The following SYNCRIP variants were observed in gnomAD, a reference collection of about 807,000 sequenced individuals.
SYNCRIP encodes the protein synaptotagmin binding cytoplasmic RNA interacting protein.
A neutral mutation model predicts 68.9 loss-of-function variants in SYNCRIP; 9 were observed. That is an observed-to-expected ratio of 0.13 (90% CI 0.08 to 0.23). The LOEUF (loss-of-function observed/expected upper bound fraction) is 0.23. SYNCRIP is among the 10% of genes least tolerant of loss of function. SYNCRIP has a pLI of 1.00. For synonymous variants in SYNCRIP, 258 were observed against 254.0 expected (o/e 1.02, Z -0.15); for missense variants, 414 against 770.6 (o/e 0.54, Z 5.48).
At chr6:85,623,558 T>A (rs1471449230) in intron 7 of SYNCRIP, among the ~76,000 whole-genome samples, 2 of 19,180 alleles carry the variant, frequency 1.0e-4, no homozygotes, top group Non-Finnish European at 1.6e-4. Context: ...AGCAAGACTG[T>A]CTCCAAAAAA....
In SYNCRIP at chr6:85,614,017, A is replaced by T; in HGVS notation, c.*739T>A. The T allele has an allele frequency of 1.0e-6, 1 of 985,346 alleles. No homozygotes were observed. The highest frequency in any genetic ancestry group is 4.7e-5 in the South Asian group (1 of 21,284). 61.0% of individuals were successfully genotyped at this position (985,346 alleles called of 1,614,324 possible). On this transcript the variant is annotated 3_prime_UTR_variant, in exon 11 of 11. Transcript: ENST00000369622. The stretch of plus-strand genomic sequence containing the variant: ...CTTTTTATTTTTGATGGGAACATGA[A>T]GTCTGTTGTAAAATAGCACTTTAAA...
chr6:85,626,800 T>C (rs1425081255), intron 6 of SYNCRIP, among the ~76,000 whole-genome samples: 1 of 152,202 alleles, frequency 6.6e-6, no homozygotes, highest in Non-Finnish European at 1.5e-5. Context: ...GAAACACCAT[T>C]TTTTTCCTTC....
At position 85,613,989 on chromosome 6, in the gene SYNCRIP, T is replaced by C. The variant is rs1037998422; in HGVS notation, c.*767A>G. 1.0e-6 allele frequency: 1 copy of C among 984,116 alleles called. No homozygotes were observed. Among genetic ancestry groups the C allele is most frequent in the South Asian group, 4.7e-5 (1 of 21,252 alleles). The allele number at this position is 984,116 out of a possible 1,614,324, so 61.0% of individuals were successfully genotyped here. A position where few individuals can be genotyped will look rare whatever the true frequency, so the allele number is the denominator to read the frequency against. On this transcript the variant is annotated 3_prime_UTR_variant, in exon 11 of 11. Transcript: ENST00000369622. ...ACCAACTTAAACTTACTACATGTAT[T>C]ATCTTTTTATTTTTGATGGGAACAT...
At chr6:85,628,395 C>A (rs919291193) in intron 6 of SYNCRIP, among the ~76,000 whole-genome samples, 1 of 152,120 alleles carries the variant, frequency 6.6e-6, no homozygotes, top group Non-Finnish European at 1.5e-5. Context: ...TACAATAAGC[C>A]AAAATCTACT....
intron 6 of SYNCRIP, among the ~76,000 whole-genome samples, chr6:85,635,343 G>A (rs1808314879): frequency 6.6e-6 from 1 of 152,100 alleles, no homozygotes; most frequent in South Asian, 2.1e-4. Flanking sequence ...AATCAGACAT[G>A]ATTTGAAAAT....
intron 6 of SYNCRIP, among the ~76,000 whole-genome samples, 156 bp downstream of exon 6, chr6:85,636,811 A>AAC (rs1808510761): frequency 6.6e-6 from 1 of 152,206 alleles, no homozygotes; most frequent in Non-Finnish European, 1.5e-5. Flanking sequence ...TGCAAAGAAT[A>AAC]ACACTACAAT....
At chr6:85,612,768 G>A, downstream of SYNCRIP, 1 of 1,049,570 alleles carries the variant, frequency 9.5e-7, no homozygotes, top group South Asian at 2.0e-5. Context: ...TTCATAGGAA[G>A]GTCTTCTGCA....
chr6:85,621,628 AG>A (rs1806420298), intron 8 of SYNCRIP, among the ~76,000 whole-genome samples: 1 of 148,762 alleles, frequency 6.7e-6, no homozygotes, highest in African/African-American at 2.5e-5. Context: ...AAAAAAAAAG[AG>A]AACAAAGGAT....
Position 85,615,218 on chromosome 6 carries a change from A to G in SYNCRIP, c.1410T>C (p.Tyr470=), listed in dbSNP as rs1452670919. 4 of 1,609,250 alleles carry G rather than the reference A, an allele frequency of 2.5e-6. No homozygotes were observed. The highest frequency in any genetic ancestry group is 1.1e-5 in the South Asian group (1 of 90,864). The change falls in exon 11 of 11, where the codon TAT becomes TAC. Residue 470 remains tyrosine (Y), a synonymous_variant. Coordinates refer to ENST00000369622, the MANE Select transcript of SYNCRIP (RefSeq NM_006372.5). ...CACGATAGTTATGGTAATCATAACC[A>G]TAATAATCATAATAATCTTCATATC... The part of the protein sequence containing the change: ...YYGYEDYYDY[Y]GYDYHNYRGG...
intron 10 of SYNCRIP, among the ~76,000 whole-genome samples, chr6:85,618,006 T>C (rs757248668): frequency 6.6e-6 from 1 of 152,190 alleles, no homozygotes; most frequent in African/African-American, 2.4e-5. Context: ...TGTTTTCTTA[T>C]TGCACTACTG....
At chr6:85,629,813 T>G (rs1158684410) in intron 6 of SYNCRIP, among the ~76,000 whole-genome samples, 2 of 149,366 alleles carry the variant, frequency 1.3e-5, no homozygotes, top group Non-Finnish European at 3.0e-5. Context: ...CAAGGCGAGA[T>G]TCATATCAAA....
chr6:85,625,348 T>C (rs1363323322), intron 6 of SYNCRIP, among the ~76,000 whole-genome samples: 1 of 151,734 alleles, frequency 6.6e-6, no homozygotes, highest in African/African-American at 2.4e-5. Flanking sequence ...CTCTCTCAAA[T>C]ACCTTTTTAT....
At chr6:85,630,474 T>C (rs370137577) in intron 6 of SYNCRIP, among the ~76,000 whole-genome samples, 1 of 152,246 alleles carries the variant, frequency 6.6e-6, no homozygotes, top group South Asian at 2.1e-4. Flanking sequence ...TTATTTAAGA[T>C]TGTCATGGAA....
intron 10 of SYNCRIP, among the ~76,000 whole-genome samples, chr6:85,616,232 A>G (rs1415307527): frequency 6.6e-6 from 1 of 152,222 alleles, no homozygotes; most frequent in Non-Finnish European, 1.5e-5. Flanking sequence ...CTTAGTGATT[A>G]TTTTGAGCCC....
intron 10 of SYNCRIP, among the ~76,000 whole-genome samples, chr6:85,615,592 C>A (rs1256603910): frequency 6.6e-6 from 1 of 152,188 alleles, no homozygotes; most frequent in East Asian, 1.9e-4. Flanking sequence ...TCTTCATGAT[C>A]TTCAAAATCT....
chr6:85,614,267 G>A lies in SYNCRIP; in HGVS notation c.*489C>T. 1 of 985,598 alleles carries A rather than the reference G, an allele frequency of 1.0e-6. No individual in the cohort carries two copies. The highest frequency in any genetic ancestry group is 1.2e-6 in the Non-Finnish European group (1 of 829,666). The allele number at this position is 985,598 out of a possible 1,614,324, so 61.1% of individuals were successfully genotyped here. A position where few individuals can be genotyped will look rare whatever the true frequency, so the allele number is the denominator to read the frequency against. ...ATAAACAACAGCATAAAGAATACAA[G>A]TAGCCAAAATGGTTTTGAAAACCCA... On this transcript the variant is annotated 3_prime_UTR_variant, in exon 11 of 11. Transcript: ENST00000369622.
chr6:85,638,487 A>C (rs151061014), intron 4 of SYNCRIP, among the ~76,000 whole-genome samples: 38 of 151,786 alleles, frequency 2.5e-4, no homozygotes, highest in African/African-American at 8.9e-4. Context: ...AAAGCACAAA[A>C]GTGGTTTTCT....
downstream of SYNCRIP, chr6:85,612,155 A>G (rs1283166287): frequency 6.6e-6 from 1 of 152,174 alleles, no homozygotes; most frequent in African/African-American, 2.4e-5. Context: ...AGAATGTTAC[A>G]TTTGGTATAT....
At chr6:85,641,202 T>C in intron 2 of SYNCRIP, 90 bp downstream of exon 2, 1 of 1,095,470 alleles carries the variant, frequency 9.1e-7, no homozygotes, top group Non-Finnish European at 1.3e-6. Context: ...CCACACTTAT[T>C]GGAAACCACA....
Sources: allele counts gnomAD v4.1 joint callset (sites outside exome capture counted in the v4.1 genomes callset), GRCh38; gene constraint gnomAD v4.1.1; transcripts MANE v1.5; gene names NCBI Gene and HGNC (gene_info 2026-07-23, HGNC 2026-07-21).